GRM8: variants seen among roughly 807,000 people sequenced by gnomAD.
The protein encoded by GRM8 is glutamate metabotropic receptor 8.
In GRM8, 47 loss-of-function variants were observed where a neutral mutation model predicts 87.2. The observed-to-expected ratio is 0.54, with a 90% CI of 0.43 to 0.69. The LOEUF (loss-of-function observed/expected upper bound fraction) is 0.69, where lower values mean the gene tolerates loss of function less well. GRM8 is among the 30% of genes least tolerant of loss of function. The probability of loss-of-function intolerance (pLI) is 0.00; values close to 1 mark genes in which losing one functional copy is unlikely to be tolerated. For missense variants in GRM8, 1,019 were observed against 1,139.2 expected (o/e 0.89, Z 1.52); for synonymous variants, 396 against 404.5 (o/e 0.98, Z 0.25).
chr7:127,014,361 T>TA (rs539374728), intron 3 of GRM8, among the ~76,000 whole-genome samples: 3 of 152,278 alleles, frequency 2.0e-5, no homozygotes, highest in African/African-American at 7.2e-5. Flanking sequence ...GGGCTGCTTT[T>TA]AGGATATTCA....
At chr7:127,143,453 T>G (rs935972159) in intron 2 of GRM8, among the ~76,000 whole-genome samples, 1 of 152,178 alleles carries the variant, frequency 6.6e-6, no homozygotes. Context: ...ACTTGCTTAT[T>G]TAATTTGTAG....
chr7:126,807,000 G>A (rs1045980410), intron 6 of GRM8, among the ~76,000 whole-genome samples: 3 of 152,320 alleles, frequency 2.0e-5, no homozygotes, highest in South Asian at 2.1e-4. Context: ...AGCGGACGCC[G>A]AGGCCAACAA....
chr7:127,093,215 T>G (rs1351977822), intron 3 of GRM8, among the ~76,000 whole-genome samples: 2 of 152,062 alleles, frequency 1.3e-5, no homozygotes, highest in Non-Finnish European at 1.5e-5. Flanking sequence ...TACAAGGACA[T>G]GAAAAATGCA....
At chr7:126,874,240 G>A (rs1384893209) in intron 6 of GRM8, among the ~76,000 whole-genome samples, 1 of 152,052 alleles carries the variant, frequency 6.6e-6, no homozygotes, top group Non-Finnish European at 1.5e-5. Context: ...TGATTATAAA[G>A]GAGGTGCATG....
At chr7:127,049,364 T>C (rs1819241562) in intron 3 of GRM8, among the ~76,000 whole-genome samples, 1 of 152,170 alleles carries the variant, frequency 6.6e-6, no homozygotes, top group African/African-American at 2.4e-5. Flanking sequence ...AAGAAAGTCA[T>C]ACAAATTTGA....
At chr7:126,990,585 T>TG (rs1812562377) in intron 3 of GRM8, among the ~76,000 whole-genome samples, 1 of 152,230 alleles carries the variant, frequency 6.6e-6, no homozygotes, top group Non-Finnish European at 1.5e-5. Flanking sequence ...ACGTTACCGT[T>TG]ACTTACAGAC....
At chr7:126,542,276 A>C (rs988007894) in intron 8 of GRM8, among the ~76,000 whole-genome samples, 1 of 152,342 alleles carries the variant, frequency 6.6e-6, no homozygotes, top group Admixed American at 6.5e-5. Flanking sequence ...GTCAAAAGAT[A>C]CCTCATTTGT....
chr7:126,926,844 A>G (rs1363960903), intron 3 of GRM8, among the ~76,000 whole-genome samples: 1 of 152,252 alleles, frequency 6.6e-6, no homozygotes, highest in East Asian at 1.9e-4. Flanking sequence ...TTGGTTGGAC[A>G]TTCATAACCT....
intron 7 of GRM8, among the ~76,000 whole-genome samples, chr7:126,713,362 C>T (rs970100190): frequency 8.6e-5 from 13 of 151,984 alleles, no homozygotes; most frequent in African/African-American, 1.7e-4. Flanking sequence ...AACCAAATAC[C>T]ACATGTTCTC....
chr7:127,216,359 A>G (rs1796529559), intron 2 of GRM8, among the ~76,000 whole-genome samples: 1 of 151,836 alleles, frequency 6.6e-6, no homozygotes, highest in Non-Finnish European at 1.5e-5. Context: ...TCTACGAAAA[A>G]TACAAAAAAT....
intron 8 of GRM8, among the ~76,000 whole-genome samples, chr7:126,551,988 T>C (rs1021408315): frequency 1.3e-5 from 2 of 152,138 alleles, no homozygotes; most frequent in Non-Finnish European, 2.9e-5. Flanking sequence ...AAAATGCCCA[T>C]ATGAAAATTA....
rs1305390891 is a variant in GRM8, at chr7:127,153,246, A to G, written c.511-46534T>C. ...GCCATCAGAAGCACTTCTGCAGGCA[A>G]GAAGTTACAGCTAATCCAAGTGCTA... On this transcript the variant is annotated intron_variant, in intron 2 of 10. Transcript: ENST00000339582. Among the ~76,000 whole-genome samples the G allele has an allele frequency of 3.3e-5, 5 of 152,232 alleles. No individual in the cohort carries two copies. In the East Asian group the frequency reaches 7.8e-4, roughly 24 times the overall value.
chr7:126,464,271 C>T, intron 9 of GRM8, among the ~76,000 whole-genome samples: 1 of 151,650 alleles, frequency 6.6e-6, no homozygotes, highest in East Asian at 1.9e-4. Context: ...TATAGCTACC[C>T]TTGTTCCTTT....
chr7:126,485,377 G>A (rs1807238335), intron 9 of GRM8, among the ~76,000 whole-genome samples: 4 of 151,622 alleles, frequency 2.6e-5, no homozygotes, highest in Admixed American at 2.6e-4. Flanking sequence ...AGGGGGTGGG[G>A]GGCATGAAAG....
At chr7:127,232,212 T>TGTGTGTGTGTGTGTGA (rs1491132484) in intron 2 of GRM8, among the ~76,000 whole-genome samples, 13 of 143,644 alleles carry the variant, frequency 9.1e-5, no homozygotes, top group African/African-American at 3.2e-4. Flanking sequence ...TGTGTGTGTG[T>TGTGTGTGTGTGTGTGA]GAGAGAGAGA....
At chr7:127,148,450 G>C (rs1255002840) in intron 2 of GRM8, among the ~76,000 whole-genome samples, 1 of 151,686 alleles carries the variant, frequency 6.6e-6, no homozygotes, top group Non-Finnish European at 1.5e-5. Context: ...TACTGGACTT[G>C]AATAGCACTT....
At chr7:126,882,280 AC>A (rs976732138) in intron 6 of GRM8, among the ~76,000 whole-genome samples, 4 of 151,848 alleles carry the variant, frequency 2.6e-5, no homozygotes, top group Admixed American at 6.6e-5. Context: ...ATTTGGATTG[AC>A]CTAGAAATTT....
At chr7:126,554,854 C>T (rs1013228097) in intron 8 of GRM8, among the ~76,000 whole-genome samples, 1 of 152,024 alleles carries the variant, frequency 6.6e-6, no homozygotes, top group East Asian at 1.9e-4. Flanking sequence ...ATATTACTAA[C>T]ATCATATGGT....
At chr7:127,239,117 A>G (rs1339305387) in intron 2 of GRM8, among the ~76,000 whole-genome samples, 4 of 152,232 alleles carry the variant, frequency 2.6e-5, no homozygotes, top group Admixed American at 1.3e-4. Context: ...ATGGGGCTGC[A>G]TGGAAGATGT....
Sources: gnomAD v4.1 joint callset for allele counts (sites outside exome capture counted in the v4.1 genomes callset) on GRCh38, gnomAD v4.1.1 for gene constraint, MANE v1.5 for transcripts, NCBI Gene and HGNC (gene_info 2026-07-23, HGNC 2026-07-21) for gene names.